The following EPHX2 variants were observed in gnomAD, a reference collection of about 807,000 sequenced individuals.
EPHX2 encodes bifunctional epoxide hydrolase 2.
A neutral mutation model predicts 78.7 loss-of-function variants in EPHX2; 74 were observed. The ratio of observed to expected loss-of-function variants is 0.94; its 90% confidence interval spans 0.78 to 1.14. The LOEUF (loss-of-function observed/expected upper bound fraction) is 1.14. EPHX2 is among the 50% of genes most tolerant of loss of function. EPHX2 has a pLI of 0.00. For missense variants in EPHX2, 715 were observed against 702.5 expected (o/e 1.02, Z -0.20); for synonymous variants, 251 against 255.2 (o/e 0.98, Z 0.16).
Position 27,540,676 on chromosome 8 carries a change from C to G in EPHX2, c.1379+20C>G. On this transcript the variant is annotated intron_variant, in intron 15 of 18. Coordinates refer to ENST00000521400, the MANE Select transcript of EPHX2 (RefSeq NM_001979.6). The stretch of plus-strand genomic sequence containing the variant: ...TTTCAGGTAAAGAGAGCACAGGGCC[C>G]AGACACAGATGAGAGATGATCGACA... The G allele has an allele frequency of 6.2e-7, 1 of 1,606,924 alleles. No homozygotes were observed. The highest frequency in any genetic ancestry group is 1.1e-5 in the South Asian group (1 of 90,906).
chr8:27,536,773 G>A lies in EPHX2; in HGVS notation c.1171-11G>A. ...AGGGGGTCCTTCATTTTGCTTTCTT[G>A]ATTGTTTTAGGGAGTGGCTGAGGCT... On this transcript the variant is annotated splice_polypyrimidine_tract_variant and intron_variant, in intron 12 of 18. Transcript: ENST00000521400. 1 of 1,612,836 alleles carries A rather than the reference G, an allele frequency of 6.2e-7. No individual in the cohort carries two copies. The highest frequency in any genetic ancestry group is 8.5e-7 in the Non-Finnish European group (1 of 1,179,370).
chr8:27,532,669 G>C (rs1815087008), intron 12 of EPHX2, among the ~76,000 whole-genome samples: 1 of 152,082 alleles, frequency 6.6e-6, no homozygotes, highest in Non-Finnish European at 1.5e-5. Flanking sequence ...GCCCGTCCCT[G>C]CCTCCGTCTT....
At chr8:27,529,362 A>T (rs1814956274) in intron 12 of EPHX2, among the ~76,000 whole-genome samples, 1 of 152,194 alleles carries the variant, frequency 6.6e-6, no homozygotes, top group Non-Finnish European at 1.5e-5. Context: ...GGGTCATTTC[A>T]GCTTAGCTGT....
At chr8:27,532,548 AG>A (rs1585217080) in intron 12 of EPHX2, among the ~76,000 whole-genome samples, 1 of 152,040 alleles carries the variant, frequency 6.6e-6, no homozygotes, top group African/African-American at 2.4e-5. Context: ...GGGTCTCGGC[AG>A]GGTTGGTCCC....
intron 9 of EPHX2, among the ~76,000 whole-genome samples, chr8:27,519,662 G>C (rs1239216846): frequency 6.6e-6 from 1 of 152,234 alleles, no homozygotes; most frequent in Non-Finnish European, 1.5e-5. Flanking sequence ...CGGCTGCACT[G>C]CTCAGCCTGG....
At chr8:27,491,939 CTCTT>C (rs1049259437) in intron 1 of EPHX2, among the ~76,000 whole-genome samples, 1 of 149,604 alleles carries the variant, frequency 6.7e-6, no homozygotes, top group African/African-American at 2.5e-5. Context: ...CTTTCTCTCT[CTCTT>C]TTTTTTGTGT....
rs908445724 is a variant in EPHX2, at chr8:27,522,550, C to G, written c.1058+42C>G. ...CAATAAAGATTTGGAGGAGGCTGGACTTGAACTCCTGTGAGAATTGTTCCT... is the reference window on the plus strand; with the variant it reads ...CAATAAAGATTTGGAGGAGGCTGGAGTTGAACTCCTGTGAGAATTGTTCCT... On this transcript the variant is annotated intron_variant, in intron 11 of 18. Transcript: ENST00000521400. 9 of 1,583,934 alleles carry G rather than the reference C, an allele frequency of 5.7e-6. No homozygotes were observed. The African/African-American group carries it at 1.1e-4, about 19-fold the overall frequency.
chr8:27,506,502 G>A (rs1814010805), intron 4 of EPHX2, among the ~76,000 whole-genome samples: 2 of 152,110 alleles, frequency 1.3e-5, no homozygotes, highest in South Asian at 4.1e-4. Context: ...CTTTTCTAGT[G>A]CCAAATTTCT....
rs763194204 is a variant in EPHX2, at chr8:27,544,468, C to T, written c.1614C>T (p.Leu538=). The T allele has an allele frequency of 2.8e-5, 45 of 1,613,948 alleles. No individual in the cohort carries two copies. The South Asian group carries it at 4.6e-4, about 17-fold the overall frequency. The change falls in exon 19 of 19, where the codon CTC becomes CTT. Residue 538 remains leucine, a synonymous_variant. Coordinates refer to ENST00000521400, the MANE Select transcript of EPHX2 (RefSeq NM_001979.6). ...MDKPTEVNQI[L]IKWLDSDARN... ...GGCCAACCGAGGTGAATCAGATCCT[C>T]ATTAAGTGGCTGGATTCTGATGCCC...
chr8:27,532,458 A>G (rs1029990143), intron 12 of EPHX2, among the ~76,000 whole-genome samples: 2 of 152,198 alleles, frequency 1.3e-5, no homozygotes, highest in Non-Finnish European at 2.9e-5. Flanking sequence ...CGGGGCTGCC[A>G]TAACAAAGTA....
At chr8:27,508,301 C>G (rs1032125942) in intron 5 of EPHX2, among the ~76,000 whole-genome samples, 40 of 145,656 alleles carry the variant, frequency 2.7e-4, no homozygotes, top group African/African-American at 1.1e-3. Flanking sequence ...GAGACTCTGT[C>G]TCCAAAAACA....
chr8:27,521,670 T>C (rs72475875), intron 10 of EPHX2, among the ~76,000 whole-genome samples: 3 of 152,114 alleles, frequency 2.0e-5, no homozygotes, highest in Admixed American at 6.5e-5. Context: ...TTTGGAACTT[T>C]TGTGTGTGAT....
intron 1 of EPHX2, among the ~76,000 whole-genome samples, chr8:27,492,228 C>T (rs746242734): frequency 6.6e-6 from 1 of 152,100 alleles, no homozygotes; most frequent in Non-Finnish European, 1.5e-5. Flanking sequence ...GATGAGATGG[C>T]AAGTAGCTTG....
intron 12 of EPHX2, among the ~76,000 whole-genome samples, chr8:27,535,164 T>C (rs1815172175): frequency 8.1e-6 from 1 of 124,106 alleles, no homozygotes; most frequent in South Asian, 2.4e-4. Context: ...GTTACAGAAA[T>C]ATTTTATTTT....
intron 4 of EPHX2, among the ~76,000 whole-genome samples, chr8:27,505,712 A>G (rs1813980096): frequency 6.6e-6 from 1 of 152,180 alleles, no homozygotes; most frequent in Non-Finnish European, 1.5e-5. Flanking sequence ...CCTGAACTCT[A>G]GCCTTGGAGT....
At chr8:27,523,645 A>G (rs1216142933) in intron 11 of EPHX2, among the ~76,000 whole-genome samples, 2 of 152,246 alleles carry the variant, frequency 1.3e-5, no homozygotes, top group African/African-American at 4.8e-5. Context: ...AAAAGAATCA[A>G]ATGTTCCTAA....
chr8:27,540,791 A>G lies in EPHX2; in HGVS notation c.1379+135A>G, dbSNP rs953388575. 1.2e-5 allele frequency: 9 copies of G among 761,326 alleles called. No individual in the cohort carries two copies. In the African/African-American group the frequency reaches 1.2e-4, roughly 10 times the overall value. 47.2% of individuals were successfully genotyped at this position (761,326 alleles called of 1,614,324 possible). A position where few individuals can be genotyped will look rare whatever the true frequency, so the allele number is the denominator to read the frequency against. Reference sequence around the variant, plus strand: ...TAGTGCCAGGCCAGCCTCTGCTTCAATGCCTCCAGTGTCGGGAGGCTCACT... The same window carrying G: ...TAGTGCCAGGCCAGCCTCTGCTTCAGTGCCTCCAGTGTCGGGAGGCTCACT... On this transcript the variant is annotated intron_variant, in intron 15 of 18. Transcript: ENST00000521400.
Position 27,522,458 on chromosome 8 carries a change from G to A in EPHX2, c.1008G>A (p.Trp336Ter), listed in dbSNP as rs1276312886. ...AAGCAGTGTTCATTGGCCATGACTG[G>A]GGTGGCATGCTGGTGTGGTACATGG... is the stretch of plus-strand genomic sequence containing the variant. ...LSQAVFIGHD[W>*]GGMLVWYMAL... The change falls in exon 11 of 19, where the codon TGG becomes TGA. Residue 336 changes from tryptophan to a stop codon, truncating the protein, a stop_gained. Transcript: ENST00000521400. LOFTEE classifies it high-confidence loss of function. 6.2e-7 allele frequency: 1 copy of A among 1,614,016 alleles called. No individual in the cohort carries two copies. The highest frequency in any genetic ancestry group is 8.5e-7 in the Non-Finnish European group (1 of 1,179,976).
Position 27,501,396 on chromosome 8 carries a change from T to TTCTTCCTTCTTC in EPHX2, c.186+386_186+387insTCTTCCTTCTTC, listed in dbSNP as rs1563340511. On this transcript the variant is annotated intron_variant, in intron 2 of 18. Coordinates refer to ENST00000521400, the MANE Select transcript of EPHX2 (RefSeq NM_001979.6). ...TCTTCTTCTTCTTCTTCTTCTTCTT[T>TTCTTCCTTCTTC]CTTCTTTCTTCTTTCTTCTTTTTCT... Among the ~76,000 whole-genome samples the TTCTTCCTTCTTC allele has an allele frequency of 4.5e-4, 58 of 129,262 alleles. 1 individual carries two copies. The highest frequency in any genetic ancestry group is 7.6e-4 in the South Asian group (3 of 3,928). The allele number at this position is 129,262 out of a possible 152,430, so 84.8% of individuals were successfully genotyped here. A position where few individuals can be genotyped will look rare whatever the true frequency, so the allele number is the denominator to read the frequency against.
Sources: gnomAD v4.1 joint callset for allele counts (sites outside exome capture counted in the v4.1 genomes callset) on GRCh38, gnomAD v4.1.1 for gene constraint, MANE v1.5 for transcripts, NCBI Gene and HGNC (gene_info 2026-07-23, HGNC 2026-07-21) for gene names.